Variants in UTP4 observed in about 807,000 individuals in gnomAD.
The protein encoded by UTP4 is U3 small nucleolar RNA-associated protein 4 homolog.
Under a neutral mutation model 82.4 loss-of-function variants are expected in UTP4, and 45 were observed. The observed-to-expected ratio is 0.55, with a 90% CI of 0.43 to 0.70. The LOEUF is 0.70. UTP4 is among the 30% of genes least tolerant of loss of function. The pLI is 0.00. For synonymous variants in UTP4, 348 were observed against 300.3 expected (o/e 1.16, Z -1.64); for missense variants, 819 against 858.3 (o/e 0.95, Z 0.57).
chr16:69,133,723 C>T (rs1962723310), intron 2 of UTP4, 105 bp downstream of exon 2: 1 of 1,226,526 alleles, frequency 8.2e-7, no homozygotes, highest in Non-Finnish European at 1.2e-6. Context: ...GACTTCCTAG[C>T]CCCTCTGAAG....
At chr16:69,148,224 G>A (rs1165894460) in intron 6 of UTP4, among the ~76,000 whole-genome samples, 1 of 151,694 alleles carries the variant, frequency 6.6e-6, no homozygotes, top group African/African-American at 2.4e-5. Flanking sequence ...GCCTCCCAAA[G>A]TGCTGGAATT....
chr16:69,139,078 C>T (rs993892583), intron 4 of UTP4: 1 of 148,212 alleles, frequency 6.7e-6, no homozygotes, highest in African/African-American at 2.5e-5. Context: ...AAGCAATTCT[C>T]CTGCCTCAGC....
chr16:69,133,823 C>T (rs961108940), intron 2 of UTP4, among the ~76,000 whole-genome samples: 8 of 152,140 alleles, frequency 5.3e-5, no homozygotes, highest in Non-Finnish European at 1.0e-4. Context: ...AGGGTCCTAC[C>T]TAGAAATGTG....
chr16:69,163,279 G>T, intron 14 of UTP4, 101 bp downstream of exon 14: 1 of 943,432 alleles, frequency 1.1e-6, no homozygotes, highest in Non-Finnish European at 1.7e-6. Context: ...GAAGGTGTTG[G>T]AGGATATAAG....
At chr16:69,168,360 C>T (rs1272135225) in intron 16 of UTP4, among the ~76,000 whole-genome samples, 2 of 139,960 alleles carry the variant, frequency 1.4e-5, no homozygotes, top group African/African-American at 2.7e-5. Flanking sequence ...GGCGTGAACC[C>T]GGGAGGCGGA....
chr16:69,155,844 A>C, intron 10 of UTP4, 27 bp from the exon 11 acceptor site: 1 of 1,614,126 alleles, frequency 6.2e-7, no homozygotes. Flanking sequence ...TTAATTGCAC[A>C]TTCATCTTGA....
At chr16:69,158,304 A>G (rs1567379161) in intron 12 of UTP4, among the ~76,000 whole-genome samples, 1 of 148,966 alleles carries the variant, frequency 6.7e-6, no homozygotes, top group African/African-American at 2.5e-5. Flanking sequence ...TCCCAAGTAC[A>G]CAGGAGCATA....
chr16:69,143,499 C>T (rs1021036832), intron 6 of UTP4, 110 bp downstream of exon 6: 27 of 965,910 alleles, frequency 2.8e-5, no homozygotes, highest in East Asian at 5.1e-5. Context: ...TGATGTTGTA[C>T]TGGAGGAAGA....
intron 13 of UTP4, among the ~76,000 whole-genome samples, chr16:69,161,591 C>G (rs1240768547): frequency 1.3e-5 from 2 of 152,228 alleles, no homozygotes; most frequent in East Asian, 1.9e-4. Context: ...GCAGTTTGTA[C>G]AGATGGATTT....
intron 12 of UTP4, among the ~76,000 whole-genome samples, chr16:69,159,759 G>A (rs2152282913): frequency 6.6e-6 from 1 of 152,080 alleles, no homozygotes; most frequent in South Asian, 2.1e-4. Context: ...AGGCCAAGGT[G>A]GGCGGATCAT....
At chr16:69,140,893 A>T (rs765653729) in intron 5 of UTP4, among the ~76,000 whole-genome samples, 4 of 152,132 alleles carry the variant, frequency 2.6e-5, no homozygotes, top group African/African-American at 4.8e-5. Flanking sequence ...CGTCTGCCAC[A>T]GGCATCCACA....
chr16:69,136,839 A>G lies in UTP4; in HGVS notation c.303A>G (p.Gly101=). The G allele has an allele frequency of 6.2e-7, 1 of 1,614,158 alleles. No individual in the cohort carries two copies. Among genetic ancestry groups the G allele is most frequent in the Middle Eastern group, 1.6e-4 (1 of 6,062 alleles). ...TCAAGTATGCTATGGATGCCTTTGG[A>G]GGACCTATTTGGAGCATGGCTGCCA... ...LNIKYAMDAF[G]GPIWSMAASP... The change falls in exon 3 of 17, where the codon GGA becomes GGG. Residue 101 remains glycine (G), a synonymous_variant. Coordinates refer to ENST00000314423, the MANE Select transcript of UTP4 (RefSeq NM_032830.3).
intron 15 of UTP4, 127 bp downstream of exon 15, chr16:69,165,653 C>T: frequency 1.2e-6 from 1 of 813,326 alleles, no homozygotes; most frequent in Admixed American, 2.0e-5. Flanking sequence ...ATACAGGTAG[C>T]TAGTACATTT....
chr16:69,138,179 C>T (rs1332743780), intron 4 of UTP4, among the ~76,000 whole-genome samples: 1 of 151,418 alleles, frequency 6.6e-6, no homozygotes, highest in African/African-American at 2.4e-5. Context: ...TTTTAACAAG[C>T]GTACATGAAG....
In UTP4 at chr16:69,136,712, A is replaced by C; in HGVS notation, c.176A>C (p.Glu59Ala). 1 of 1,613,980 alleles carries C rather than the reference A, an allele frequency of 6.2e-7. No homozygotes were observed. Among genetic ancestry groups the C allele is most frequent in the South Asian group, 1.1e-5 (1 of 91,074 alleles). The change falls in exon 3 of 17, where the codon GAG becomes GCG. Residue 59 changes from glutamate (E) to alanine (A), a missense_variant. Transcript: ENST00000314423. Reference sequence around the variant, plus strand: ...TTTCTGCAGTTTTTCCCAGGTCATGAGTCTCGGGCTACAGAAGCTTTGTGC... The same window carrying C: ...TTTCTGCAGTTTTTCCCAGGTCATGCGTCTCGGGCTACAGAAGCTTTGTGC... ...YFQEKFFPGH[E>A]SRATEALCWA... is the part of the protein sequence containing the mutation.
At chr16:69,150,990 G>A (rs968486015) in intron 8 of UTP4, 86 bp downstream of exon 8, 37 of 1,052,028 alleles carry the variant, frequency 3.5e-5, no homozygotes, top group South Asian at 3.3e-4. Context: ...CACAGCTCAC[G>A]CTCGGCAAAT....
At chr16:69,151,766 C>G (rs1214773195) in intron 8 of UTP4, among the ~76,000 whole-genome samples, 3 of 151,728 alleles carry the variant, frequency 2.0e-5, no homozygotes, top group Non-Finnish European at 4.4e-5. Flanking sequence ...ACACCTAGTT[C>G]AGTTTCTGGG....
intron 13 of UTP4, among the ~76,000 whole-genome samples, 173 bp downstream of exon 13, chr16:69,160,635 C>T (rs1386575617): frequency 7.0e-6 from 1 of 142,816 alleles, no homozygotes; most frequent in Non-Finnish European, 1.5e-5. Flanking sequence ...CTTACTCTGT[C>T]ACCCAGGCTA....
intron 15 of UTP4, chr16:69,166,409 A>C (rs1307950670): frequency 6.5e-6 from 1 of 152,910 alleles, no homozygotes; most frequent in Non-Finnish European, 1.5e-5. Context: ...TGAGTGATAC[A>C]GGAAGGGCCC....
Sources: gnomAD v4.1 joint callset for allele counts (sites outside exome capture counted in the v4.1 genomes callset) on GRCh38, gnomAD v4.1.1 for gene constraint, MANE v1.5 for transcripts, NCBI Gene and HGNC (gene_info 2026-07-23, HGNC 2026-07-21) for gene names.